Variants in OR7C1 observed in about 807,000 individuals in gnomAD.
OR7C1 encodes the protein olfactory receptor family 7 subfamily C member 1.
For missense variants in OR7C1, 324 were observed against 383.3 expected (o/e 0.85, Z 1.29); for synonymous variants, 152 against 160.7 (o/e 0.95, Z 0.41).
intron 1 of OR7C1, among the ~76,000 whole-genome samples, chr19:14,829,361 G>A (rs537432841): frequency 1.3e-5 from 2 of 152,116 alleles, no homozygotes; most frequent in African/African-American, 4.8e-5. Context: ...GCACCACCAC[G>A]CCCAGCTAAT....
chr19:14,819,280 C>T (rs960171479), intron 1 of OR7C1, among the ~76,000 whole-genome samples: 6 of 152,054 alleles, frequency 3.9e-5, no homozygotes, highest in African/African-American at 1.4e-4. Context: ...GTATTAAGCC[C>T]AGCATGCATT....
chr19:14,827,276 C>T (rs2044776842), intron 1 of OR7C1: 1 of 1,537,428 alleles, frequency 6.5e-7, no homozygotes, highest in Non-Finnish European at 8.7e-7. Context: ...GCTTAGAGCC[C>T]TGCAATCATG....
intron 1 of OR7C1, among the ~76,000 whole-genome samples, chr19:14,815,406 T>G (rs2145063320): frequency 6.6e-6 from 1 of 152,300 alleles, no homozygotes; most frequent in South Asian, 2.1e-4. Flanking sequence ...AATATTCATA[T>G]CTCCTCCTAT....
chr19:14,831,310 TA>T (rs1451420102), intron 1 of OR7C1, among the ~76,000 whole-genome samples: 1 of 152,228 alleles, frequency 6.6e-6, no homozygotes, highest in East Asian at 1.9e-4. Context: ...TATGAAACAG[TA>T]AAAGACTCAT....
chr19:14,813,098 G>A (rs995883329), intron 1 of OR7C1, among the ~76,000 whole-genome samples: 9 of 149,780 alleles, frequency 6.0e-5, no homozygotes, highest in Non-Finnish European at 5.9e-5. Flanking sequence ...AATTATCCGA[G>A]TGTCCAAACC....
chr19:14,813,575 T>C (rs1252293103), intron 1 of OR7C1, among the ~76,000 whole-genome samples: 6 of 151,970 alleles, frequency 3.9e-5, no homozygotes, highest in African/African-American at 1.5e-4. Flanking sequence ...TACTACCCGA[T>C]ACTGGGTAAT....
chr19:14,827,748 C>T lies in OR7C1; in HGVS notation c.-623+7326G>A, dbSNP rs776694847. 80 of 1,614,066 alleles carry T rather than the reference C, an allele frequency of 5.0e-5. No individual in the cohort carries two copies. Among genetic ancestry groups the T allele is most frequent in the Non-Finnish European group, 6.0e-5 (71 of 1,180,022 alleles). On this transcript the variant is annotated intron_variant, in intron 1 of 4. Transcript: ENST00000641666. ...TTCTAAGGCTGTGCAGAAGGACAGC[C>T]GTACTACCATTAAGATTTGTAGCAA... is the stretch of plus-strand genomic sequence containing the variant.
At chr19:14,817,110 CAAAGT>C (rs2044719793) in intron 1 of OR7C1, among the ~76,000 whole-genome samples, 1 of 152,098 alleles carries the variant, frequency 6.6e-6, no homozygotes, top group Non-Finnish European at 1.5e-5. Context: ...GAAATAATTG[CAAAGT>C]AAAGCTTGCT....
Position 14,802,435 on chromosome 19 carries a change from G to A in OR7C1, c.-434-1671C>T, listed in dbSNP as rs557610461. 1.1e-3 allele frequency among the ~76,000 whole-genome samples: 168 copies of A among 152,240 alleles called. 4 individuals carry two copies. In the South Asian group the frequency reaches 0.032, roughly 29 times the overall value. ...CTTGGGAGGCTGAGGCAGGAGAATC[G>A]CTTGAACCTGGGAGGCGGAGGTTGC... On this transcript the variant is annotated intron_variant, in intron 2 of 4. Coordinates refer to ENST00000641666, the Ensembl canonical transcript of OR7C1.
intron 2 of OR7C1, among the ~76,000 whole-genome samples, chr19:14,804,614 G>A (rs772625435): frequency 2.0e-5 from 3 of 151,968 alleles, no homozygotes; most frequent in South Asian, 2.1e-4. Context: ...GGGCTTCTTC[G>A]TTTACATGCA....
At chr19:14,825,909 G>A (rs562181115) in intron 1 of OR7C1, 1 of 152,310 alleles carries the variant, frequency 6.6e-6, no homozygotes, top group South Asian at 2.1e-4. Context: ...AATAAGCATT[G>A]CAAATAGGAC....
At position 14,799,897 on chromosome 19, in the gene OR7C1, C is replaced by G. The variant is rs1171160974; in HGVS notation, c.240G>C (p.Lys80Asn). ...TCTGTGTCAGTATATTCAGTAACAT[C>G]TTTGGGACAGTCGTGGAGGTAAAAC... is the stretch of plus-strand genomic sequence containing the variant. Residue 80 changes from lysine (K) to asparagine (N), a missense_variant, in exon 5 of 5, where the codon AAG becomes AAC. Lys to Asn is a moderately conservative substitution (Grantham distance 94, BLOSUM62 0). Transcript: ENST00000641666. The G allele has an allele frequency of 2.5e-6, 4 of 1,613,948 alleles. No homozygotes were observed. The African/African-American group carries it at 4.0e-5, about 16-fold the overall frequency.
At chr19:14,829,900 G>A (rs1205723310) in intron 1 of OR7C1, among the ~76,000 whole-genome samples, 1 of 152,084 alleles carries the variant, frequency 6.6e-6, no homozygotes, top group African/African-American at 2.4e-5. Flanking sequence ...TGGCCGAAGA[G>A]GGCCCAGGCA....
chr19:14,799,980 A>G, exon 5 of OR7C1: 1 of 1,614,132 alleles, frequency 6.2e-7, no homozygotes, highest in East Asian at 2.2e-5. Context: ...TGGAGGTGGG[A>G]GTCTGAGCAT....
At chr19:14,834,066 C>A (rs1187192002) in intron 1 of OR7C1, among the ~76,000 whole-genome samples, 1 of 131,042 alleles carries the variant, frequency 7.6e-6, no homozygotes, top group Non-Finnish European at 1.7e-5. Context: ...TCGAGACCAG[C>A]CTGGACAACG....
intron 1 of OR7C1, chr19:14,828,329 A>T: frequency 3.7e-6 from 5 of 1,361,372 alleles, no homozygotes; most frequent in Non-Finnish European, 5.0e-6. Context: ...ACCATCATTT[A>T]TATTTTATAG....
At chr19:14,819,000 T>A (rs1338564027) in intron 1 of OR7C1, among the ~76,000 whole-genome samples, 1 of 152,182 alleles carries the variant, frequency 6.6e-6, no homozygotes, top group Non-Finnish European at 1.5e-5. Context: ...GTTGGCGTGC[T>A]GCACCTATTA....
intron 1 of OR7C1, among the ~76,000 whole-genome samples, chr19:14,830,437 A>G (rs1446102052): frequency 1.3e-5 from 2 of 152,206 alleles, no homozygotes; most frequent in African/African-American, 2.4e-5. Flanking sequence ...CGGGTAGGTT[A>G]GCAAGAAAGG....
chr19:14,816,200 A>G (rs942370109), intron 1 of OR7C1, among the ~76,000 whole-genome samples: 1 of 152,186 alleles, frequency 6.6e-6, no homozygotes, highest in Non-Finnish European at 1.5e-5. Flanking sequence ...ATATACCCAC[A>G]AAAATTCTTT....
Sources: gnomAD v4.1 joint callset for allele counts (sites outside exome capture counted in the v4.1 genomes callset) on GRCh38, gnomAD v4.1.1 for gene constraint, MANE v1.5 for transcripts, NCBI Gene and HGNC (gene_info 2026-07-23, HGNC 2026-07-21) for gene names.